The following GPC5 variants were observed in gnomAD, a reference collection of about 807,000 sequenced individuals.
GPC5 encodes glypican-5.
In GPC5, 47 loss-of-function variants were observed where a neutral mutation model predicts 53.9. The observed-to-expected ratio is 0.87, with a 90% CI of 0.69 to 1.11. GPC5 has a LOEUF of 1.11. Ranked by LOEUF, GPC5 falls within the 50% of genes most tolerant of loss-of-function variation. The pLI, the probability that GPC5 is intolerant of heterozygous loss-of-function variation, is 0.00. For synonymous variants in GPC5, 286 were observed against 263.3 expected, an observed-to-expected ratio of 1.09 and a Z score of -0.84; for missense variants, 748 against 713.1, an observed-to-expected ratio of 1.05 and a Z score of -0.56.
intron 4 of GPC5, among the ~76,000 whole-genome samples, chr13:91,738,404 A>C (rs2140056262): frequency 6.6e-6 from 1 of 151,444 alleles, no homozygotes; most frequent in African/African-American, 2.5e-5. Flanking sequence ...TTGACTTATA[A>C]CTAATTTAAC....
intron 2 of GPC5, among the ~76,000 whole-genome samples, chr13:91,549,267 T>TAAAA (rs35941677): frequency 1.4e-5 from 2 of 144,932 alleles, no homozygotes. Context: ...AAGATTCCAT[T>TAAAA]AAAAAAAAAA....
intron 7 of GPC5, among the ~76,000 whole-genome samples, chr13:92,630,575 T>G (rs1156893022): frequency 2.6e-5 from 4 of 152,110 alleles, no homozygotes; most frequent in African/African-American, 9.7e-5. Context: ...AGCAGAGACA[T>G]TAGAACATTT....
chr13:91,970,320 A>G (rs1460707613), intron 6 of GPC5, among the ~76,000 whole-genome samples: 3 of 152,142 alleles, frequency 2.0e-5, no homozygotes, highest in African/African-American at 7.2e-5. Flanking sequence ...TGGCAAAAAG[A>G]TACAAACCCT....
chr13:92,752,749 G>A (rs1033608348), intron 7 of GPC5, among the ~76,000 whole-genome samples: 4 of 152,082 alleles, frequency 2.6e-5, no homozygotes, highest in African/African-American at 9.7e-5. Context: ...GGAAAATCGG[G>A]TCACTTCCAC....
At chr13:92,286,906 GA>G (rs1343804405) in intron 7 of GPC5, among the ~76,000 whole-genome samples, 1 of 151,834 alleles carries the variant, frequency 6.6e-6, no homozygotes, top group Non-Finnish European at 1.5e-5. Context: ...TAGTAAAAAA[GA>G]AAAAAATATG....
At chr13:92,562,814 C>T (rs1388237354) in intron 7 of GPC5, among the ~76,000 whole-genome samples, 1 of 151,986 alleles carries the variant, frequency 6.6e-6, no homozygotes, top group Non-Finnish European at 1.5e-5. Context: ...TGGCACCATA[C>T]ATTAAAACCA....
intron 2 of GPC5, among the ~76,000 whole-genome samples, chr13:91,622,189 C>T (rs1449599306): frequency 6.6e-6 from 1 of 152,122 alleles, no homozygotes; most frequent in African/African-American, 2.4e-5. Context: ...AAGTGTTAAT[C>T]TCCTTTGGCA....
At chr13:91,770,704 TTGTGTGTGTGTGTG>T (rs71113759) in intron 5 of GPC5, among the ~76,000 whole-genome samples, 4 of 145,660 alleles carry the variant, frequency 2.7e-5, no homozygotes, top group East Asian at 4.2e-4. Context: ...GACTGTGTGT[TTGTGTGTGTGTGTG>T]TGTGTGTGTG....
At chr13:91,895,638 C>CTTT (rs1277407427) in intron 5 of GPC5, among the ~76,000 whole-genome samples, 1 of 143,396 alleles carries the variant, frequency 7.0e-6, no homozygotes, top group Non-Finnish European at 1.5e-5. Context: ...CTCTTTCTTT[C>CTTT]TTTTTTTTTT....
chr13:91,650,750 G>GTTTTTTTTTTT lies in GPC5; in HGVS notation c.326-42425_326-42415dup, dbSNP rs67507888. The stretch of plus-strand genomic sequence containing the variant: ...CATCTGTGAAACAAAATTCCCATAA[G>GTTTTTTTTTTT]TTTTTTTTTTTTTTTTTTTTTTAGC... On this transcript the variant is annotated intron_variant, in intron 2 of 7. Coordinates refer to ENST00000377067, the MANE Select transcript of GPC5 (RefSeq NM_004466.6). Among the ~76,000 whole-genome samples the GTTTTTTTTTTT allele has an allele frequency of 3.9e-4, 39 of 99,590 alleles. 1 individual carries two copies. The highest frequency in any genetic ancestry group is 1.3e-3 in the African/African-American group (33 of 24,662). The allele number at this position is 99,590 out of a possible 152,430, so 65.3% of individuals were successfully genotyped here.
At chr13:92,194,337 G>C (rs982303107) in intron 7 of GPC5, among the ~76,000 whole-genome samples, 3 of 152,172 alleles carry the variant, frequency 2.0e-5, no homozygotes, top group Non-Finnish European at 4.4e-5. Context: ...GAAGGTGTGT[G>C]ATGCATGCCA....
chr13:92,502,876 A>G (rs368974131), intron 7 of GPC5, among the ~76,000 whole-genome samples: 7 of 152,002 alleles, frequency 4.6e-5, no homozygotes, highest in South Asian at 2.1e-4. Context: ...TCCACTGGAC[A>G]CAGCAGTGCA....
At chr13:92,316,551 A>G (rs2043180754) in intron 7 of GPC5, among the ~76,000 whole-genome samples, 2 of 152,262 alleles carry the variant, frequency 1.3e-5, no homozygotes, top group South Asian at 4.1e-4. Flanking sequence ...AGAAAAGTAC[A>G]ATAAAACTAA....
intron 6 of GPC5, among the ~76,000 whole-genome samples, chr13:92,130,858 G>C (rs1362585146): frequency 6.6e-6 from 1 of 151,546 alleles, no homozygotes; most frequent in Non-Finnish European, 1.5e-5. Flanking sequence ...TGTAGATAAA[G>C]TACTGAAAAG....
At chr13:92,255,994 A>T (rs1304202954) in intron 7 of GPC5, among the ~76,000 whole-genome samples, 1 of 152,058 alleles carries the variant, frequency 6.6e-6, no homozygotes, top group Admixed American at 6.6e-5. Context: ...AAGGCTTTAT[A>T]TTCTAAATTA....
At chr13:92,008,059 A>AC (rs1555304087) in intron 6 of GPC5, among the ~76,000 whole-genome samples, 1 of 127,204 alleles carries the variant, frequency 7.9e-6, no homozygotes, top group Non-Finnish European at 1.6e-5. Context: ...AATGAGAATA[A>AC]TTTTTTTTTT....
chr13:91,966,923 A>T (rs1164049098), intron 6 of GPC5, among the ~76,000 whole-genome samples: 1 of 152,234 alleles, frequency 6.6e-6, no homozygotes, highest in African/African-American at 2.4e-5. Flanking sequence ...TAAATACTTG[A>T]AGTTAAATAT....
At position 92,064,756 on chromosome 13, in the gene GPC5, CA is replaced by C. The variant is rs1175120330; in HGVS notation, c.1402-80062del. 1.0e-3 allele frequency among the ~76,000 whole-genome samples: 34 copies of C among 33,626 alleles called. 2 individuals carry two copies. The South Asian group carries it at 0.039, about 39-fold the overall frequency. 22.1% of individuals were successfully genotyped at this position (33,626 alleles called of 152,430 possible). ...TGGGCGACAGAGCGAGACTCCGTCT[CA>C]AAAAAAAAAAACAAAACAAAACTCA... is the stretch of plus-strand genomic sequence containing the variant. On this transcript the variant is annotated intron_variant, in intron 6 of 7. Coordinates refer to ENST00000377067, the MANE Select transcript of GPC5 (RefSeq NM_004466.6).
intron 7 of GPC5, among the ~76,000 whole-genome samples, chr13:92,589,333 A>G (rs1166537660): frequency 4.6e-5 from 7 of 152,146 alleles, no homozygotes; most frequent in African/African-American, 1.4e-4. Flanking sequence ...TGCAGCAAGG[A>G]AGCATCATGC....
Sources: allele counts gnomAD v4.1 joint callset (sites outside exome capture counted in the v4.1 genomes callset), GRCh38; gene constraint gnomAD v4.1.1; transcripts MANE v1.5; gene names NCBI Gene and HGNC (gene_info 2026-07-23, HGNC 2026-07-21).